AGMO: variants seen among roughly 807,000 people sequenced by gnomAD.
AGMO encodes glyceryl-ether monooxygenase.
AGMO carries 75 observed loss-of-function variants against 60.2 expected under a neutral mutation model. That is an observed-to-expected ratio of 1.25 (90% CI 1.03 to 1.51). AGMO has a LOEUF of 1.51. Among genes scored for constraint, AGMO ranks in the 40% most tolerant of loss-of-function variants. AGMO has a pLI of 0.00. For missense variants in AGMO, 763 were observed against 525.5 expected (o/e 1.45, Z -4.42); for synonymous variants, 261 against 177.1 (o/e 1.47, Z -3.76).
chr7:15,387,508 G>C lies in AGMO; in HGVS notation c.855C>G (p.Phe285Leu), dbSNP rs772554565. 25 of 1,613,414 alleles carry C rather than the reference G, an allele frequency of 1.5e-5. No homozygotes were observed. Among genetic ancestry groups the C allele is most frequent in the Non-Finnish European group, 2.0e-5 (24 of 1,179,716 alleles). Residue 285 changes from phenylalanine to leucine, a missense_variant, in exon 9 of 13, where the codon TTC (phenylalanine) becomes TTG (leucine). Phe to Leu is a conservative substitution (Grantham distance 22). Coordinates refer to ENST00000342526, the MANE Select transcript of AGMO (RefSeq NM_001004320.2). ...FHHLFSIWTT[F>L]WATPGFFNKF... ...TATTGAAGAATCCAGGTGTGGCCCA[G>C]AATGTAGTCCATATGGAAAATAAGT... is the stretch of plus-strand genomic sequence containing the variant.
the AGMO span, among the ~76,000 whole-genome samples, chr7:15,174,570 GATA>G: frequency 8.3e-4 from 126 of 152,164 alleles, no homozygotes; most frequent in Non-Finnish European, 1.6e-3. Flanking sequence ...TGTTTTACCA[GATA>G]GGAGCGTTTC....
At chr7:15,261,315 G>A (rs1220933184) in intron 12 of AGMO, among the ~76,000 whole-genome samples, 3 of 151,972 alleles carry the variant, frequency 2.0e-5, no homozygotes, top group Non-Finnish European at 4.4e-5. Flanking sequence ...AATGAAATGG[G>A]AGATACTACA....
Position 15,329,659 on chromosome 7 carries a change from C to A in AGMO, c.1263+35855G>T, listed in dbSNP as rs1402002173. Among the ~76,000 whole-genome samples the A allele has an allele frequency of 7.2e-5, 11 of 152,160 alleles. No homozygotes were observed. In the East Asian group the frequency reaches 2.1e-3, roughly 29 times the overall value. The stretch of plus-strand genomic sequence containing the variant: ...GTCGCTTAATTACACCTATGTTATT[C>A]TTGATATATCCTGTCCATTATTATG... On this transcript the variant is annotated intron_variant, in intron 12 of 12. Transcript: ENST00000342526.
chr7:15,122,224 C>T, the AGMO span, among the ~76,000 whole-genome samples: 1 of 152,016 alleles, frequency 6.6e-6, no homozygotes, highest in African/African-American at 2.4e-5. Context: ...AAAAACAACC[C>T]CATCAAAAAG....
At position 15,511,678 on chromosome 7, in the gene AGMO, C is replaced by A. The variant is rs141758812; in HGVS notation, c.409+33094G>T. The stretch of plus-strand genomic sequence containing the variant: ...GTAACTATGTGAGGTAATGCACACG[C>A]TGATTAACTTGATGTGCTAATCATT... On this transcript the variant is annotated intron_variant, in intron 3 of 12. Coordinates refer to ENST00000342526, the MANE Select transcript of AGMO (RefSeq NM_001004320.2). Among the ~76,000 whole-genome samples the A allele has an allele frequency of 1.5e-4, 23 of 152,238 alleles. 1 individual carries two copies. Among genetic ancestry groups the A allele is most frequent in the African/African-American group, 4.3e-4 (18 of 41,548 alleles).
intron 3 of AGMO, among the ~76,000 whole-genome samples, chr7:15,538,627 A>G (rs930085696): frequency 6.6e-6 from 1 of 152,224 alleles, no homozygotes; most frequent in Non-Finnish European, 1.5e-5. Flanking sequence ...CAAAAAAGAA[A>G]CACAAGTACA....
At chr7:15,479,610 G>A (rs886237911) in intron 3 of AGMO, among the ~76,000 whole-genome samples, 5 of 152,022 alleles carry the variant, frequency 3.3e-5, no homozygotes, top group Non-Finnish European at 5.9e-5. Flanking sequence ...AAACAAAGCC[G>A]TGATTTGGGT....
At chr7:15,505,311 G>A (rs1003939546) in intron 3 of AGMO, among the ~76,000 whole-genome samples, 2 of 151,808 alleles carry the variant, frequency 1.3e-5, no homozygotes, top group Non-Finnish European at 1.5e-5. Context: ...ATAGATGATG[G>A]GCCATATAGC....
intron 10 of AGMO, 148 bp downstream of exon 10, chr7:15,385,298 T>C: frequency 3.6e-6 from 2 of 552,426 alleles, no homozygotes; most frequent in South Asian, 2.6e-5. Flanking sequence ...AGAAGATTTG[T>C]TTTACCTATT....
At chr7:15,541,770 T>G (rs2115274504) in intron 3 of AGMO, among the ~76,000 whole-genome samples, 1 of 152,280 alleles carries the variant, frequency 6.6e-6, no homozygotes. Context: ...CTAGCAATGA[T>G]TTGGAATCCT....
At chr7:15,240,707 A>G (rs1414935581) in intron 12 of AGMO, among the ~76,000 whole-genome samples, 2 of 152,174 alleles carry the variant, frequency 1.3e-5, no homozygotes, top group South Asian at 2.1e-4. Context: ...TAAAATTATA[A>G]TCTATAGGGC....
At chr7:15,472,487 T>C (rs144711114) in intron 3 of AGMO, among the ~76,000 whole-genome samples, 5 of 151,992 alleles carry the variant, frequency 3.3e-5, no homozygotes, top group African/African-American at 1.2e-4. Flanking sequence ...ATCACAGTAC[T>C]TTAGACCTGA....
intron 12 of AGMO, among the ~76,000 whole-genome samples, chr7:15,357,117 A>T (rs920475220): frequency 1.3e-5 from 2 of 151,906 alleles, no homozygotes; most frequent in Non-Finnish European, 2.9e-5. Flanking sequence ...CTCATGAAAA[A>T]AAAAAAGAAA....
intron 3 of AGMO, among the ~76,000 whole-genome samples, chr7:15,492,923 A>G (rs1399920615): frequency 2.0e-5 from 3 of 152,020 alleles, no homozygotes; most frequent in African/African-American, 7.2e-5. Context: ...TCCATTTTTG[A>G]AGCCTTGACG....
chr7:15,433,346 AC>A (rs2128499090), intron 3 of AGMO, among the ~76,000 whole-genome samples: 1 of 152,246 alleles, frequency 6.6e-6, no homozygotes, highest in African/African-American at 2.4e-5. Flanking sequence ...TGTGTGTAAC[AC>A]AAGCCTCATT....
chr7:15,363,095 T>C (rs956736529), intron 12 of AGMO, among the ~76,000 whole-genome samples: 1 of 152,214 alleles, frequency 6.6e-6, no homozygotes, highest in Non-Finnish European at 1.5e-5. Flanking sequence ...ATTTAGAACG[T>C]AGTAAGAGCT....
At chr7:15,148,470 C>G in the AGMO span, among the ~76,000 whole-genome samples, 1 of 152,012 alleles carries the variant, frequency 6.6e-6, no homozygotes, top group South Asian at 2.1e-4. Context: ...TTTTTTGACC[C>G]TCATCCTCCT....
chr7:15,409,681 T>A (rs966802256), intron 5 of AGMO, among the ~76,000 whole-genome samples: 10 of 151,994 alleles, frequency 6.6e-5, no homozygotes, highest in African/African-American at 2.2e-4. Context: ...TTTGTGAGAA[T>A]TAAGAGAGCA....
At chr7:15,386,685 A>C (rs1477667477) in intron 9 of AGMO, among the ~76,000 whole-genome samples, 1 of 152,200 alleles carries the variant, frequency 6.6e-6, no homozygotes, top group Non-Finnish European at 1.5e-5. Context: ...ACTTTTGTAC[A>C]CATAGTATCA....
Sources: allele counts gnomAD v4.1 joint callset (sites outside exome capture counted in the v4.1 genomes callset), GRCh38; gene constraint gnomAD v4.1.1; transcripts MANE v1.5; gene names NCBI Gene and HGNC (gene_info 2026-07-23, HGNC 2026-07-21).